ADGB: variants seen among roughly 807,000 people sequenced by gnomAD.
ADGB encodes androglobin, also known as calpain-7-like protein.
In ADGB, 172 loss-of-function variants were observed where a neutral mutation model predicts 210.5. That is an observed-to-expected ratio of 0.82 (90% CI 0.72 to 0.93). The LOEUF is 0.93. ADGB is among the 40% of genes least tolerant of loss of function. The pLI is 0.00. For synonymous variants in ADGB, 658 were observed against 662.7 expected, an observed-to-expected ratio of 0.99 and a Z score of 0.11; for missense variants, 2,025 against 1,964.8, an observed-to-expected ratio of 1.03 and a Z score of -0.58.
chr6:146,804,739 G>C (rs770346415), intron 35 of ADGB, among the ~76,000 whole-genome samples: 9 of 152,098 alleles, frequency 5.9e-5, no homozygotes, highest in Non-Finnish European at 1.3e-4. Flanking sequence ...CCACAATGTG[G>C]TCTCTGCTTT....
intron 22 of ADGB, among the ~76,000 whole-genome samples, chr6:146,736,221 G>T (rs1777076256): frequency 6.6e-6 from 1 of 152,150 alleles, no homozygotes; most frequent in African/African-American, 2.4e-5. Flanking sequence ...GTCTCCTTAT[G>T]TAAACACTTT....
intron 4 of ADGB, among the ~76,000 whole-genome samples, chr6:146,656,481 G>C (rs1329571541): frequency 2.0e-5 from 3 of 152,126 alleles, no homozygotes; most frequent in Non-Finnish European, 2.9e-5. Context: ...ATAAATATCA[G>C]TGTCAAATAG....
chr6:146,784,841 G>A, intron 31 of ADGB, 47 bp downstream of exon 31: 1 of 1,496,764 alleles, frequency 6.7e-7, no homozygotes, highest in Non-Finnish European at 8.9e-7. Flanking sequence ...TCCTCCTTAG[G>A]CATGCTCTGA....
At chr6:146,675,095 C>T (rs146310072) in intron 8 of ADGB, among the ~76,000 whole-genome samples, 1 of 151,794 alleles carries the variant, frequency 6.6e-6, no homozygotes, top group Non-Finnish European at 1.5e-5. Context: ...AATGTTTTAT[C>T]CTATGATTGA....
chr6:146,645,996 G>A (rs1351581933), intron 3 of ADGB, among the ~76,000 whole-genome samples: 2 of 152,002 alleles, frequency 1.3e-5, no homozygotes, highest in Non-Finnish European at 1.5e-5. Flanking sequence ...ATATTAATGT[G>A]TTACTAACAA....
intron 21 of ADGB, among the ~76,000 whole-genome samples, 173 bp downstream of exon 21, chr6:146,733,428 C>A (rs1562286688): frequency 2.0e-5 from 3 of 152,042 alleles, no homozygotes; most frequent in Admixed American, 1.3e-4. Flanking sequence ...GATCCCCTAC[C>A]CCTAATCCCC....
chr6:146,623,104 G>C (rs1315980878), intron 1 of ADGB, among the ~76,000 whole-genome samples: 1 of 151,752 alleles, frequency 6.6e-6, no homozygotes, highest in Non-Finnish European at 1.5e-5. Context: ...TATGAGACTT[G>C]AACTGTTAGT....
At chr6:146,599,322 C>T (rs59653284) in intron 1 of ADGB, among the ~76,000 whole-genome samples, 2,091 of 152,312 alleles carry the variant, frequency 0.014, 49 homozygotes, top group African/African-American at 0.047. Context: ...TTTCCCAGAG[C>T]CCCTGATTTT....
intron 1 of ADGB, among the ~76,000 whole-genome samples, chr6:146,631,199 T>C (rs1478443135): frequency 5.3e-5 from 8 of 152,304 alleles, no homozygotes; most frequent in African/African-American, 1.7e-4. Context: ...TTTGAGACAA[T>C]GCTACAGTAT....
Position 146,740,498 on chromosome 6 carries a change from T to C in ADGB, c.2928T>C (p.Tyr976=). 2.6e-6 allele frequency: 4 copies of C among 1,548,512 alleles called. No homozygotes were observed. The highest frequency in any genetic ancestry group is 3.5e-6 in the Non-Finnish European group (4 of 1,144,786). Reference sequence around the variant, plus strand: ...GCAAGTGCAAGTCTTTGGAATCTTATCCATGCTATCAAGATGAAGAAACTA... The same window carrying C: ...GCAAGTGCAAGTCTTTGGAATCTTACCCATGCTATCAAGATGAAGAAACTA... ...FKSKCKSLES[Y]PCYQDEETKI... Residue 976 remains tyrosine (Y), a synonymous_variant, in exon 24 of 36, where the codon TAT becomes TAC. Coordinates refer to ENST00000397944, the MANE Select transcript of ADGB (RefSeq NM_024694.4).
chr6:146,612,395 T>C (rs990697331), intron 1 of ADGB, among the ~76,000 whole-genome samples: 4 of 152,202 alleles, frequency 2.6e-5, no homozygotes, highest in Admixed American at 2.6e-4. Flanking sequence ...CTCCCAGCTG[T>C]ATACACACTT....
In ADGB at chr6:146,752,510, T is replaced by C; in HGVS notation, c.3366-20T>C. The C allele has an allele frequency of 1.3e-6, 2 of 1,521,002 alleles. No individual in the cohort carries two copies. Among genetic ancestry groups the C allele is most frequent in the Non-Finnish European group, 1.8e-6 (2 of 1,132,192 alleles). The allele number at this position is 1,521,002 out of a possible 1,614,324, so 94.2% of individuals were successfully genotyped here. ...AAGACCAACATACTTGCTTATAATG[T>C]TAACTTTTTTTCTTTACAGGTATTC... is the stretch of plus-strand genomic sequence containing the variant. On this transcript the variant is annotated intron_variant, in intron 26 of 35. Coordinates refer to ENST00000397944, the MANE Select transcript of ADGB (RefSeq NM_024694.4).
Position 146,598,990 on chromosome 6 carries a change from G to C in ADGB, c.-51G>C, listed in dbSNP as rs1025622665. 1 of 1,497,378 alleles carries C rather than the reference G, an allele frequency of 6.7e-7. No homozygotes were observed. Among genetic ancestry groups the C allele is most frequent in the Non-Finnish European group, 9.1e-7 (1 of 1,098,898 alleles). 92.8% of individuals were successfully genotyped at this position (1,497,378 alleles called of 1,614,324 possible). A position where few individuals can be genotyped will look rare whatever the true frequency, so the allele number is the denominator to read the frequency against. ...GCAACGCAGACGCGGAGCCGAGCGC[G>C]CCCGCAGGCTCTTTGCTCAGAGCTC... On this transcript the variant is annotated 5_prime_UTR_variant, in exon 1 of 36. Transcript: ENST00000397944.
At chr6:146,653,520 T>G (rs1775734149) in intron 3 of ADGB, among the ~76,000 whole-genome samples, 1 of 152,110 alleles carries the variant, frequency 6.6e-6, no homozygotes, top group South Asian at 2.1e-4. Context: ...TTCTCACTTA[T>G]AAGTGGGAGC....
At position 146,694,064 on chromosome 6, in the gene ADGB, C is replaced by T. The variant is rs560807637; in HGVS notation, c.1577+1149C>T. ...CTTTCCAGAATCATCTTTAAAGGTC[C>T]GTTCATGGCAATGTAGGCTTTCTTT... is the stretch of plus-strand genomic sequence containing the variant. On this transcript the variant is annotated intron_variant, in intron 12 of 35. Transcript: ENST00000397944. 1.9e-4 allele frequency among the ~76,000 whole-genome samples: 29 copies of T among 152,130 alleles called. 1 individual carries two copies. Among genetic ancestry groups the T allele is most frequent in the Middle Eastern group, 3.4e-3 (1 of 294 alleles).
intron 29 of ADGB, among the ~76,000 whole-genome samples, chr6:146,773,014 A>T (rs948594548): frequency 1.3e-5 from 2 of 152,076 alleles, no homozygotes; most frequent in African/African-American, 4.8e-5. Context: ...CTAAAGAGGG[A>T]CTGATTCCTG....
At chr6:146,678,014 T>A (rs1401304378) in intron 9 of ADGB, among the ~76,000 whole-genome samples, 1 of 152,220 alleles carries the variant, frequency 6.6e-6, no homozygotes. Context: ...GTCCTTTATC[T>A]GGCATAAATA....
At chr6:146,612,109 C>G (rs1046221904) in intron 1 of ADGB, among the ~76,000 whole-genome samples, 3 of 152,144 alleles carry the variant, frequency 2.0e-5, no homozygotes, top group African/African-American at 7.2e-5. Context: ...GCAGCCCAAT[C>G]TGGCCTCTTT....
chr6:146,701,109 G>C (rs1175538029), intron 13 of ADGB, 39 bp downstream of exon 13: 5 of 1,543,290 alleles, frequency 3.2e-6, no homozygotes, highest in Non-Finnish European at 4.4e-6. Flanking sequence ...AACTCTTAAT[G>C]AGACAAGATT....
Sources: gnomAD v4.1 joint callset for allele counts (sites outside exome capture counted in the v4.1 genomes callset) on GRCh38, gnomAD v4.1.1 for gene constraint, MANE v1.5 for transcripts, NCBI Gene and HGNC (gene_info 2026-07-23, HGNC 2026-07-21) for gene names.